Variants in RBM20 observed in about 807,000 individuals in gnomAD.
The protein encoded by RBM20 is RNA binding motif protein 20, also known as RNA-binding protein 20.
A neutral mutation model predicts 110.1 loss-of-function variants in RBM20; 51 were observed. That is an observed-to-expected ratio of 0.46 (90% CI 0.37 to 0.59). The LOEUF (loss-of-function observed/expected upper bound fraction) is 0.59, where lower values mean the gene tolerates loss of function less well. Ranked by LOEUF, RBM20 falls within the 20% of genes least tolerant of loss-of-function variation. RBM20 has a pLI of 0.00. For missense variants in RBM20, 1,512 were observed against 1,574.9 expected (o/e 0.96, Z 0.68); for synonymous variants, 589 against 618.2 (o/e 0.95, Z 0.70).
At chr10:110,697,991 T>C (rs1462696243) in intron 1 of RBM20, among the ~76,000 whole-genome samples, 1 of 150,582 alleles carries the variant, frequency 6.6e-6, no homozygotes, top group East Asian at 2.0e-4. Flanking sequence ...CACTGCAAGC[T>C]CCACCTCCCG....
chr10:110,763,892 G>T (rs2135007120), intron 1 of RBM20, among the ~76,000 whole-genome samples: 1 of 151,994 alleles, frequency 6.6e-6, no homozygotes, highest in Middle Eastern at 3.4e-3. Flanking sequence ...GTTGTCTTGA[G>T]CATTGTAGGA....
At chr10:110,756,482 G>A (rs1843922695) in intron 1 of RBM20, 1 of 152,266 alleles carries the variant, frequency 6.6e-6, no homozygotes, top group East Asian at 1.9e-4. Flanking sequence ...TGGCTAGGAT[G>A]TTTGTCATCC....
intron 1 of RBM20, among the ~76,000 whole-genome samples, chr10:110,708,742 G>T (rs918836406): frequency 6.6e-6 from 1 of 152,192 alleles, no homozygotes. Context: ...AAACAATAAA[G>T]AATTTTTTGA....
intron 1 of RBM20, among the ~76,000 whole-genome samples, chr10:110,762,422 AT>A (rs1334090296): frequency 6.6e-6 from 1 of 152,174 alleles, no homozygotes; most frequent in Non-Finnish European, 1.5e-5. Context: ...TCATTTCCAG[AT>A]TGGAACTGGA....
At chr10:110,696,899 C>T (rs1862672432) in intron 1 of RBM20, among the ~76,000 whole-genome samples, 1 of 152,150 alleles carries the variant, frequency 6.6e-6, no homozygotes, top group African/African-American at 2.4e-5. Context: ...TCCCTGTTAC[C>T]ACCACACAGA....
At chr10:110,745,712 G>A (rs995034701) in intron 1 of RBM20, among the ~76,000 whole-genome samples, 1 of 152,124 alleles carries the variant, frequency 6.6e-6, no homozygotes, top group Non-Finnish European at 1.5e-5. Context: ...TCCAGGAGCT[G>A]TCACTTTCAA....
rs1025945164 is a variant in RBM20 at position 110,666,373 on chromosome 10, T to A, written c.191+21728T>A. ...AAAATCACCTGGGGGCTGGGTGCAG[T>A]GGCTCATGCCTGTAATCTCAGCACT... On this transcript the variant is annotated intron_variant, in intron 1 of 13. Coordinates refer to ENST00000369519, the MANE Select transcript of RBM20 (RefSeq NM_001134363.3). Among the ~76,000 whole-genome samples the A allele has an allele frequency of 2.6e-5, 4 of 152,158 alleles. No individual in the cohort carries two copies. In the South Asian group the frequency reaches 8.3e-4, roughly 31 times the overall value.
In RBM20 at chr10:110,768,325, C is replaced by T. The variant is rs530038008; in HGVS notation, c.192-12476C>T. ...ATAGAGGCAAAAGCCAAAAGTAATG[C>T]ACATATAATATTCTCTGCCTTGGGC... is the stretch of plus-strand genomic sequence containing the variant. On this transcript the variant is annotated intron_variant, in intron 1 of 13. Transcript: ENST00000369519. Among the ~76,000 whole-genome samples the T allele has an allele frequency of 4.0e-3, 613 of 152,280 alleles. 5 individuals are homozygous for T. The highest frequency in any genetic ancestry group is 0.014 in the African/African-American group (583 of 41,554).
intron 1 of RBM20, among the ~76,000 whole-genome samples, chr10:110,675,042 A>AT (rs1862318443): frequency 1.3e-5 from 2 of 152,214 alleles, no homozygotes; most frequent in South Asian, 4.1e-4. Flanking sequence ...CTGATTGCTG[A>AT]TGATGCTCTA....
intron 1 of RBM20, among the ~76,000 whole-genome samples, chr10:110,710,391 T>G (rs186997926): frequency 4.6e-5 from 7 of 152,378 alleles, no homozygotes; most frequent in Non-Finnish European, 8.8e-5. Flanking sequence ...ATGTGATTGC[T>G]ATTTAATCCT....
chr10:110,666,759 A>G (rs970165070), intron 1 of RBM20, among the ~76,000 whole-genome samples: 43 of 152,266 alleles, frequency 2.8e-4, no homozygotes, highest in African/African-American at 1.0e-3. Flanking sequence ...TACAGAATTT[A>G]TGTCTCTCTT....
intron 12 of RBM20, among the ~76,000 whole-genome samples, chr10:110,824,157 C>T (rs1262666043): frequency 6.6e-6 from 1 of 152,176 alleles, no homozygotes; most frequent in African/African-American, 2.4e-5. Flanking sequence ...TAACAGTGCC[C>T]TGGGACCCAG....
At chr10:110,778,174 T>C (rs568514771) in intron 1 of RBM20, among the ~76,000 whole-genome samples, 1 of 152,326 alleles carries the variant, frequency 6.6e-6, no homozygotes, top group Admixed American at 6.5e-5. Flanking sequence ...TGTAACTACC[T>C]TTAACTTTCA....
intron 1 of RBM20, among the ~76,000 whole-genome samples, chr10:110,733,097 A>T (rs1843635630): frequency 6.6e-6 from 1 of 152,204 alleles, no homozygotes; most frequent in Admixed American, 6.5e-5. Flanking sequence ...TCACCACCGT[A>T]TTGCAGAAGG....
At chr10:110,656,496 A>G (rs1862028463) in intron 1 of RBM20, among the ~76,000 whole-genome samples, 1 of 151,494 alleles carries the variant, frequency 6.6e-6, no homozygotes, top group Non-Finnish European at 1.5e-5. Flanking sequence ...GTCTTCTTTC[A>G]CTATTTTAAA....
intron 7 of RBM20, among the ~76,000 whole-genome samples, chr10:110,803,868 T>C (rs1844662669): frequency 7.2e-6 from 1 of 138,798 alleles, no homozygotes; most frequent in Non-Finnish European, 1.5e-5. Flanking sequence ...AAATGAAACG[T>C]CCAGGAGTAG....
Position 110,781,078 on chromosome 10 carries a change from G to T in RBM20, c.469G>T (p.Ala157Ser). The change falls in exon 2 of 14, where the codon GCA becomes TCA. Residue 157 changes from alanine (A) to serine (S), a missense_variant. This residue lies in a region of RBM20 where 1,149 missense variants were observed against 1,169.4 expected (regional missense o/e 0.98). Coordinates refer to ENST00000369519, the MANE Select transcript of RBM20 (RefSeq NM_001134363.3). ...HGHAGVPQHAAAIPSTRFPSN... is the reference protein window; with the variant it reads ...HGHAGVPQHASAIPSTRFPSN... Reference sequence around the variant, plus strand: ...CCATGCTGGGGTTCCCCAACATGCTGCAGCCATACCCAGTACCCGGTTTCC... The same window carrying T: ...CCATGCTGGGGTTCCCCAACATGCTTCAGCCATACCCAGTACCCGGTTTCC... 2 of 1,551,832 alleles carry T rather than the reference G, an allele frequency of 1.3e-6. No homozygotes were observed. Among genetic ancestry groups the T allele is most frequent in the Non-Finnish European group, 1.7e-6 (2 of 1,147,016 alleles).
intron 1 of RBM20, among the ~76,000 whole-genome samples, chr10:110,754,327 C>A (rs1590656152): frequency 6.6e-6 from 1 of 152,246 alleles, no homozygotes; most frequent in East Asian, 1.9e-4. Context: ...GGTGTACATT[C>A]CTTAACATTT....
chr10:110,752,957 T>TTA, intron 1 of RBM20, among the ~76,000 whole-genome samples: 2 of 143,190 alleles, frequency 1.4e-5, no homozygotes, highest in Non-Finnish European at 3.0e-5. Flanking sequence ...TTTTTTTTTT[T>TTA]TTATGAAGTC....
Sources: gnomAD v4.1 joint callset for allele counts (sites outside exome capture counted in the v4.1 genomes callset) on GRCh38, gnomAD v4.1.1 for gene constraint, gnomAD v4.1.1 regional missense constraint, MANE v1.5 for transcripts, NCBI Gene and HGNC (gene_info 2026-07-23, HGNC 2026-07-21) for gene names.